Variants in EFCAB5 observed in about 807,000 individuals in gnomAD.
EFCAB5 encodes the protein EF-hand calcium binding domain 5, also known as EF-hand calcium-binding domain-containing protein 5.
In EFCAB5, 131 loss-of-function variants were observed where a neutral mutation model predicts 167.9. The ratio of observed to expected loss-of-function variants is 0.78; its 90% CI spans 0.68 to 0.90. EFCAB5 has a LOEUF of 0.90. Ranked by LOEUF, EFCAB5 falls within the 40% of genes least tolerant of loss-of-function variation. The probability of loss-of-function intolerance (pLI) is 0.00; values close to 1 mark genes in which losing one functional copy is unlikely to be tolerated. For missense variants in EFCAB5, 1,663 were observed against 1,745.2 expected, an observed-to-expected ratio of 0.95 and a Z score of 0.84; for synonymous variants, 574 against 602.8, an observed-to-expected ratio of 0.95 and a Z score of 0.70.
intron 4 of EFCAB5, among the ~76,000 whole-genome samples, chr17:29,977,193 T>G (rs965467884): frequency 5.3e-5 from 8 of 152,162 alleles, no homozygotes; most frequent in African/African-American, 1.9e-4. Flanking sequence ...ATTACCACCT[T>G]ATTATGAATT....
intron 3 of EFCAB5, among the ~76,000 whole-genome samples, chr17:29,945,585 A>G (rs1394828195): frequency 3.3e-5 from 5 of 152,136 alleles, no homozygotes; most frequent in Non-Finnish European, 7.4e-5. Flanking sequence ...AAAGGAACCA[A>G]ACTTTCCTTC....
At chr17:30,090,915 A>C (rs1280308098) in intron 20 of EFCAB5, among the ~76,000 whole-genome samples, 1 of 152,244 alleles carries the variant, frequency 6.6e-6, no homozygotes, top group Non-Finnish European at 1.5e-5. Flanking sequence ...GGAAGGGCTC[A>C]TAAAGGCAAG....
At chr17:30,028,031 T>C (rs951010947) in intron 7 of EFCAB5, among the ~76,000 whole-genome samples, 1 of 152,204 alleles carries the variant, frequency 6.6e-6, no homozygotes, top group African/African-American at 2.4e-5. Context: ...GATTCAGATA[T>C]TGACTTTTGA....
At chr17:30,014,933 G>A (rs1157193539) in intron 7 of EFCAB5, among the ~76,000 whole-genome samples, 4 of 152,136 alleles carry the variant, frequency 2.6e-5, no homozygotes, top group African/African-American at 9.7e-5. Context: ...GCAGTGGCTG[G>A]TACTGGTTGT....
At chr17:29,996,109 T>C (rs1393865508) in intron 5 of EFCAB5, among the ~76,000 whole-genome samples, 1 of 152,164 alleles carries the variant, frequency 6.6e-6, no homozygotes, top group Non-Finnish European at 1.5e-5. Context: ...TTTTTTTTCA[T>C]AATACACATT....
chr17:30,091,985 T>C lies in EFCAB5; in HGVS notation c.4052T>C (p.Leu1351Ser). 1 of 1,614,012 alleles carries C rather than the reference T, an allele frequency of 6.2e-7. No individual in the cohort carries two copies. The highest frequency in any genetic ancestry group is 8.5e-7 in the Non-Finnish European group (1 of 1,179,886). Reference protein sequence around the residue: ...LLNSMEFVSLLLYDHTLVTEP... With the variant: ...LLNSMEFVSLSLYDHTLVTEP... The stretch of plus-strand genomic sequence containing the variant: ...AATTCCATGGAATTTGTGTCACTGT[T>C]GCTCTATGACCATACTCTTGTAACA... The change falls in exon 21 of 23, where the codon TTG (leucine) becomes TCG (serine). Residue 1351 changes from leucine to serine, a missense_variant. Coordinates refer to ENST00000394835, the MANE Select transcript of EFCAB5 (RefSeq NM_198529.4).
chr17:29,930,885 G>C (rs1401978681), intron 1 of EFCAB5, among the ~76,000 whole-genome samples: 1 of 152,188 alleles, frequency 6.6e-6, no homozygotes, highest in Non-Finnish European at 1.5e-5. Flanking sequence ...CCGGTTGTGA[G>C]GGTCCAGCCT....
At chr17:29,952,739 A>C (rs2067537060) in intron 3 of EFCAB5, among the ~76,000 whole-genome samples, 1 of 152,190 alleles carries the variant, frequency 6.6e-6, no homozygotes, top group South Asian at 2.1e-4. Context: ...TGGAAATGAT[A>C]AACATGAAAT....
chr17:30,065,825 A>G (rs1278368231), intron 14 of EFCAB5: 1 of 152,226 alleles, frequency 6.6e-6, no homozygotes, highest in Non-Finnish European at 1.5e-5. Flanking sequence ...ACTTAGACAA[A>G]ACAGACTTTA....
At chr17:30,106,929 A>C (rs2071456958) in intron 22 of EFCAB5, among the ~76,000 whole-genome samples, 1 of 152,258 alleles carries the variant, frequency 6.6e-6, no homozygotes, top group South Asian at 2.1e-4. Flanking sequence ...CAACAGGGCA[A>C]GACCCTGTCT....
intron 8 of EFCAB5, among the ~76,000 whole-genome samples, chr17:30,046,470 A>G (rs2069932160): frequency 6.6e-6 from 1 of 152,206 alleles, no homozygotes; most frequent in Non-Finnish European, 1.5e-5. Flanking sequence ...AAACCTGATC[A>G]TTATATAGAA....
chr17:29,949,072 T>C (rs2067458956), intron 3 of EFCAB5, among the ~76,000 whole-genome samples: 1 of 152,154 alleles, frequency 6.6e-6, no homozygotes, highest in African/African-American at 2.4e-5. Flanking sequence ...TTTTCACCAG[T>C]TTAATCAGCA....
At chr17:30,084,952 G>C (rs1376307863) in intron 18 of EFCAB5, among the ~76,000 whole-genome samples, 2 of 152,130 alleles carry the variant, frequency 1.3e-5, no homozygotes, top group Non-Finnish European at 2.9e-5. Flanking sequence ...CCACACAGCT[G>C]TCCTTTGTCG....
chr17:30,070,439 T>C (rs927141475), intron 14 of EFCAB5, among the ~76,000 whole-genome samples: 1 of 152,102 alleles, frequency 6.6e-6, no homozygotes, highest in Non-Finnish European at 1.5e-5. Context: ...GACTTTAAAA[T>C]ATACTACAAA....
At chr17:29,945,786 TG>T (rs1429141054) in intron 3 of EFCAB5, among the ~76,000 whole-genome samples, 1 of 152,096 alleles carries the variant, frequency 6.6e-6, no homozygotes, top group Non-Finnish European at 1.5e-5. Context: ...GCTAGCTACA[TG>T]TAGAAGAATG....
chr17:30,060,197 A>G (rs1209464679), intron 14 of EFCAB5, among the ~76,000 whole-genome samples: 2 of 152,036 alleles, frequency 1.3e-5, no homozygotes, highest in South Asian at 2.1e-4. Context: ...GTACCCTAAA[A>G]CTTAAAGTAT....
intron 17 of EFCAB5, 27 bp downstream of exon 17, chr17:30,081,008 A>C: frequency 6.4e-7 from 1 of 1,554,252 alleles, no homozygotes; most frequent in Non-Finnish European, 8.8e-7. Flanking sequence ...TTCAAGAGCG[A>C]TGGTAGGATG....
chr17:30,068,704 G>T, intron 14 of EFCAB5: 1 of 1,547,226 alleles, frequency 6.5e-7, no homozygotes, highest in African/African-American at 1.4e-5. Flanking sequence ...ACTGGGAGTG[G>T]CAGTGGGTGG....
At chr17:29,967,725 G>C (rs1330425309) in intron 3 of EFCAB5, among the ~76,000 whole-genome samples, 3 of 152,082 alleles carry the variant, frequency 2.0e-5, no homozygotes, top group Non-Finnish European at 4.4e-5. Context: ...TGGTAGGGGA[G>C]GGGATATAGG....
Sources: gnomAD v4.1 joint callset for allele counts (sites outside exome capture counted in the v4.1 genomes callset) on GRCh38, gnomAD v4.1.1 for gene constraint, MANE v1.5 for transcripts, NCBI Gene and HGNC (gene_info 2026-07-23, HGNC 2026-07-21) for gene names.